AGBL4: variants seen among roughly 807,000 people sequenced by gnomAD.
The protein encoded by AGBL4 is cytosolic carboxypeptidase 6.
AGBL4 carries 58 observed loss-of-function variants against 66.4 expected under a neutral mutation model. The observed-to-expected ratio is 0.87, with a 90% CI of 0.71 to 1.09. The LOEUF (loss-of-function observed/expected upper bound fraction) is 1.09. AGBL4 is among the 50% of genes least tolerant of loss of function. The probability of loss-of-function intolerance (pLI) is 0.00; values close to 1 mark genes in which losing one functional copy is unlikely to be tolerated. For missense variants in AGBL4, 579 were observed against 631.0 expected, an observed-to-expected ratio of 0.92 and a Z score of 0.88; for synonymous variants, 234 against 222.9, an observed-to-expected ratio of 1.05 and a Z score of -0.44.
At chr1:49,284,203 G>T (rs1312393414) in intron 3 of AGBL4, among the ~76,000 whole-genome samples, 8 of 152,314 alleles carry the variant, frequency 5.3e-5, no homozygotes, top group African/African-American at 7.2e-5. Flanking sequence ...CCAGAAGAGA[G>T]TGGGGGCCAA....
At chr1:49,640,809 T>C (rs1393275881) in intron 3 of AGBL4, among the ~76,000 whole-genome samples, 1 of 152,134 alleles carries the variant, frequency 6.6e-6, no homozygotes, top group Non-Finnish European at 1.5e-5. Context: ...ATCTGGTGCA[T>C]AATCTTTGTG....
chr1:48,727,861 G>T, intron 6 of AGBL4: 1 of 1,590,150 alleles, frequency 6.3e-7, no homozygotes, highest in Non-Finnish European at 8.6e-7. Context: ...AGGAAAACAC[G>T]AAAGCTTTAT....
At chr1:49,577,608 T>C (rs1644462082) in intron 3 of AGBL4, among the ~76,000 whole-genome samples, 1 of 152,200 alleles carries the variant, frequency 6.6e-6, no homozygotes, top group South Asian at 2.1e-4. Context: ...CTGCCAAGAC[T>C]ACCATCCATG....
chr1:49,540,939 T>C (rs1405300778), intron 3 of AGBL4, among the ~76,000 whole-genome samples: 1 of 152,154 alleles, frequency 6.6e-6, no homozygotes, highest in East Asian at 1.9e-4. Context: ...ATAATAATTG[T>C]ACCATGCCAA....
chr1:49,934,735 C>A (rs2148273318), intron 1 of AGBL4, among the ~76,000 whole-genome samples: 1 of 151,506 alleles, frequency 6.6e-6, no homozygotes, highest in Admixed American at 6.6e-5. Context: ...AACTGTACAC[C>A]TCAAGAGACT....
In AGBL4 at chr1:48,691,185, G is replaced by T. The variant is rs1292946113; in HGVS notation, c.635-27944C>A. Among the ~76,000 whole-genome samples, 9 of 146,464 alleles carry T rather than the reference G, an allele frequency of 6.1e-5. No homozygotes were observed. In the East Asian group the frequency reaches 1.2e-3, roughly 19 times the overall value. ...AAAAAAAAAAAAAAAACACATATAT[G>T]TGTGTATATATATATATTACATATA... On this transcript the variant is annotated intron_variant, in intron 6 of 13. Transcript: ENST00000371839.
At chr1:48,550,904 A>G (rs1051565428) in intron 11 of AGBL4, among the ~76,000 whole-genome samples, 2 of 152,182 alleles carry the variant, frequency 1.3e-5, no homozygotes, top group African/African-American at 2.4e-5. Flanking sequence ...AATGTTGCCT[A>G]CCGTACTTCT....
rs1438404091 is a variant in AGBL4 at position 49,849,266 on chromosome 1, G to A, written c.157+2130C>T. On this transcript the variant is annotated intron_variant, in intron 2 of 13. Transcript: ENST00000371839. ...CATGAGGGCATTGATTTGGAAACAC[G>A]GGATTGTGAAACTCAGGATGTGGAT... Among the ~76,000 whole-genome samples the A allele has an allele frequency of 2.6e-5, 4 of 151,962 alleles. No homozygotes were observed. The South Asian group carries it at 6.2e-4, about 24-fold the overall frequency.
chr1:48,818,984 T>G (rs1248348552), intron 6 of AGBL4, among the ~76,000 whole-genome samples: 2 of 152,120 alleles, frequency 1.3e-5, no homozygotes, highest in African/African-American at 2.4e-5. Flanking sequence ...TTCCTTCAAT[T>G]AGGAAGCAAG....
chr1:50,005,550 G>A (rs547251004), intron 1 of AGBL4, among the ~76,000 whole-genome samples: 1 of 152,222 alleles, frequency 6.6e-6, no homozygotes, highest in African/African-American at 2.4e-5. Context: ...AACAAGCTCA[G>A]ACTGCAAAGA....
chr1:49,456,615 G>A (rs779341991), intron 3 of AGBL4, among the ~76,000 whole-genome samples: 1 of 151,356 alleles, frequency 6.6e-6, no homozygotes, highest in Non-Finnish European at 1.5e-5. Flanking sequence ...GTAACACATG[G>A]TGTTTGCTTA....
At chr1:48,706,810 A>G (rs1646888123) in intron 6 of AGBL4, among the ~76,000 whole-genome samples, 1 of 152,250 alleles carries the variant, frequency 6.6e-6, no homozygotes, top group East Asian at 1.9e-4. Context: ...ATCTGAATCC[A>G]GAGCTGTTAC....
intron 4 of AGBL4, among the ~76,000 whole-genome samples, chr1:49,121,312 T>C (rs1382710486): frequency 6.6e-6 from 1 of 152,210 alleles, no homozygotes; most frequent in Non-Finnish European, 1.5e-5. Flanking sequence ...ATTTTCAGCT[T>C]TTCTGCCTTG....
intron 2 of AGBL4, among the ~76,000 whole-genome samples, chr1:49,778,716 A>G (rs572660042): frequency 6.6e-6 from 1 of 152,214 alleles, no homozygotes; most frequent in Non-Finnish European, 1.5e-5. Flanking sequence ...TAAACAATTT[A>G]TACCAAATAC....
chr1:49,406,756 T>C (rs915052747), intron 3 of AGBL4, among the ~76,000 whole-genome samples: 1 of 152,044 alleles, frequency 6.6e-6, no homozygotes, highest in Non-Finnish European at 1.5e-5. Context: ...TTTTATTCAA[T>C]ATGATGTGTA....
chr1:48,781,479 C>T (rs1025519581), intron 6 of AGBL4, among the ~76,000 whole-genome samples: 2 of 152,194 alleles, frequency 1.3e-5, no homozygotes, highest in African/African-American at 2.4e-5. Flanking sequence ...TTTACACATA[C>T]CAGATACTCA....
intron 4 of AGBL4, among the ~76,000 whole-genome samples, chr1:49,237,421 CTCT>C (rs755470407): frequency 3.3e-5 from 5 of 151,010 alleles, no homozygotes; most frequent in Non-Finnish European, 5.9e-5. Context: ...TCCACTAAAC[CTCT>C]TCTTCTTCCC....
At chr1:49,964,046 C>G (rs191274792) in intron 1 of AGBL4, among the ~76,000 whole-genome samples, 116 of 152,140 alleles carry the variant, frequency 7.6e-4, no homozygotes, top group Non-Finnish European at 1.2e-3. Flanking sequence ...TTCAAGGGTC[C>G]AAATATCATT....
chr1:49,393,096 T>C (rs907658384), intron 3 of AGBL4, among the ~76,000 whole-genome samples: 8 of 152,260 alleles, frequency 5.3e-5, no homozygotes, highest in Middle Eastern at 3.4e-3. Context: ...TTTTGAAGAT[T>C]AAATGCAGTA....
Sources: allele counts gnomAD v4.1 joint callset (sites outside exome capture counted in the v4.1 genomes callset), GRCh38; gene constraint gnomAD v4.1.1; transcripts MANE v1.5; gene names NCBI Gene and HGNC (gene_info 2026-07-23, HGNC 2026-07-21).